The following FOXO3 variants were observed in gnomAD, a reference collection of about 807,000 sequenced individuals.
The protein encoded by FOXO3 is forkhead box O3, also known as forkhead box protein O3.
FOXO3 carries 4 observed loss-of-function variants against 41.9 expected under a neutral mutation model. The ratio of observed to expected loss-of-function variants is 0.10; its 90% CI spans 0.05 to 0.22. The LOEUF (loss-of-function observed/expected upper bound fraction) is 0.22. Among genes scored for constraint, FOXO3 ranks in the 10% least tolerant of loss-of-function variants. FOXO3 has a pLI of 1.00. For synonymous variants in FOXO3, 318 were observed against 389.3 expected (o/e 0.82, Z 2.16); for missense variants, 534 against 906.8 (o/e 0.59, Z 5.28).
chr6:108,602,274 TC>T (rs1198420638), intron 1 of FOXO3, among the ~76,000 whole-genome samples: 1 of 152,210 alleles, frequency 6.6e-6, no homozygotes, highest in Non-Finnish European at 1.5e-5. Context: ...CCTAAAATCT[TC>T]CTAAACTCCT....
chr6:108,618,216 GC>G (rs1777569362), intron 1 of FOXO3: 1 of 855,754 alleles, frequency 1.2e-6, no homozygotes, highest in Non-Finnish European at 2.0e-6. Context: ...GAACCACCCT[GC>G]CCCACCACCT....
At chr6:108,563,111 G>C (rs368149845) in intron 1 of FOXO3, among the ~76,000 whole-genome samples, 22 of 152,270 alleles carry the variant, frequency 1.4e-4, no homozygotes, top group African/African-American at 4.3e-4. Flanking sequence ...AATAAGAACA[G>C]TTTAATCTTA....
At chr6:108,570,836 A>T (rs74526790) in intron 1 of FOXO3, among the ~76,000 whole-genome samples, 1,602 of 152,302 alleles carry the variant, frequency 0.011, 31 homozygotes, top group African/African-American at 0.036. Context: ...TATTGTCATC[A>T]TTAGAAAAGG....
rs373193411 is a variant in FOXO3, at chr6:108,669,285, T to C, written c.*34+4396T>C. On this transcript the variant is annotated intron_variant, in intron 2 of 2. Coordinates refer to ENST00000406360, the MANE Select transcript of FOXO3 (RefSeq NM_001455.4). Reference sequence around the variant, plus strand: ...CATTTGGAATTTACGTGTAGGCTACTTCCCAAAAGGAGTAAATCTTTGATG... The same window carrying C: ...CATTTGGAATTTACGTGTAGGCTACCTCCCAAAAGGAGTAAATCTTTGATG... 1.1e-4 allele frequency among the ~76,000 whole-genome samples: 17 copies of C among 152,326 alleles called. 1 individual carries two copies. In the East Asian group the frequency reaches 3.1e-3, roughly 28 times the overall value.
intron 1 of FOXO3, among the ~76,000 whole-genome samples, chr6:108,627,029 C>T (rs1435224390): frequency 3.3e-5 from 5 of 152,190 alleles, no homozygotes; most frequent in Non-Finnish European, 5.9e-5. Flanking sequence ...TAGTAGGAGG[C>T]AGGCTTCCTA....
intron 1 of FOXO3, among the ~76,000 whole-genome samples, chr6:108,604,460 G>A (rs912635082): frequency 1.3e-5 from 2 of 152,046 alleles, no homozygotes; most frequent in Non-Finnish European, 2.9e-5. Context: ...ATTTAACAGC[G>A]ACGTGCCTTT....
At chr6:108,577,505 C>T (rs73763145) in intron 1 of FOXO3, among the ~76,000 whole-genome samples, 1,786 of 152,326 alleles carry the variant, frequency 0.012, 29 homozygotes, top group African/African-American at 0.041. Context: ...GGTCACCTTA[C>T]TCCAACATCA....
intron 1 of FOXO3, among the ~76,000 whole-genome samples, chr6:108,647,654 C>T (rs548362887): frequency 6.6e-6 from 1 of 152,108 alleles, no homozygotes; most frequent in African/African-American, 2.4e-5. Flanking sequence ...AGGTACTAGA[C>T]ATGTAGATGT....
At chr6:108,637,693 T>C (rs150374683) in intron 1 of FOXO3, among the ~76,000 whole-genome samples, 301 of 152,218 alleles carry the variant, frequency 2.0e-3, no homozygotes, top group Middle Eastern at 3.4e-3. Context: ...GAGTCAGCAG[T>C]GCATCCTCTC....
intron 1 of FOXO3, among the ~76,000 whole-genome samples, chr6:108,609,500 C>G (rs534808564): frequency 2.3e-4 from 35 of 152,194 alleles, no homozygotes; most frequent in African/African-American, 7.7e-4. Context: ...TAAAATCAGC[C>G]AAAATACGAT....
rs562404123 is a variant in FOXO3 at position 108,663,673 on chromosome 6, A to G, written c.840A>G (p.Ser280=). ...CAGCCCTGCAGACAGCCCCCGAATC[A>G]GCTGACGACAGTCCCTCCCAGCTCT... ...KKAALQTAPE[S]ADDSPSQLSK... Residue 280 remains serine, a synonymous_variant, in exon 2 of 3, where the codon TCA becomes TCG. Transcript: ENST00000406360. 6.2e-7 allele frequency: 1 copy of G among 1,613,056 alleles called. No homozygotes were observed.
intron 2 of FOXO3, among the ~76,000 whole-genome samples, chr6:108,679,477 A>G (rs890387959): frequency 2.0e-5 from 3 of 152,114 alleles, no homozygotes; most frequent in Non-Finnish European, 4.4e-5. Context: ...GGAAGTCTAG[A>G]ACAGAATCTT....
At chr6:108,624,760 T>C (rs1777763103) in intron 1 of FOXO3, among the ~76,000 whole-genome samples, 1 of 152,170 alleles carries the variant, frequency 6.6e-6, no homozygotes. Context: ...GGTGCTGGTG[T>C]TTCATATATA....
At chr6:108,588,776 T>C (rs1224919972) in intron 1 of FOXO3, among the ~76,000 whole-genome samples, 1 of 152,242 alleles carries the variant, frequency 6.6e-6, no homozygotes, top group African/African-American at 2.4e-5. Context: ...CCTTGCCCTC[T>C]CACTCCAAGC....
At chr6:108,662,797 TG>T (rs774310619) in intron 1 of FOXO3, among the ~76,000 whole-genome samples, 31 of 152,226 alleles carry the variant, frequency 2.0e-4, no homozygotes, top group Middle Eastern at 3.4e-3. Context: ...AAATTCCAAG[TG>T]TGAACTTCAA....
chr6:108,664,950 G>A, intron 2 of FOXO3, 61 bp downstream of exon 2: 1 of 1,477,014 alleles, frequency 6.8e-7, no homozygotes, highest in Non-Finnish European at 9.1e-7. Context: ...GATCTCTGGG[G>A]GAGCCTGTCT....
intron 1 of FOXO3, among the ~76,000 whole-genome samples, chr6:108,614,591 T>A (rs1029634373): frequency 2.0e-5 from 3 of 152,128 alleles, no homozygotes; most frequent in African/African-American, 7.2e-5. Flanking sequence ...CTTGTACTTC[T>A]AATCTATCTG....
chr6:108,605,799 G>T (rs1249588317), intron 1 of FOXO3, among the ~76,000 whole-genome samples: 1 of 152,216 alleles, frequency 6.6e-6, no homozygotes. Context: ...TGAGAGGGAG[G>T]CATGGAAATG....
At chr6:108,575,562 T>A (rs1458916877) in intron 1 of FOXO3, among the ~76,000 whole-genome samples, 4 of 151,912 alleles carry the variant, frequency 2.6e-5, no homozygotes, top group African/African-American at 9.7e-5. Flanking sequence ...TCTTCCAGAG[T>A]TTTTATCTTA....
Sources: gnomAD v4.1 joint callset for allele counts (sites outside exome capture counted in the v4.1 genomes callset) on GRCh38, gnomAD v4.1.1 for gene constraint, MANE v1.5 for transcripts, NCBI Gene and HGNC (gene_info 2026-07-23, HGNC 2026-07-21) for gene names.